ABLIM1: variants seen among roughly 807,000 people sequenced by gnomAD.
The protein encoded by ABLIM1 is actin-binding LIM protein 1.
In ABLIM1, 40 loss-of-function variants were observed where a neutral mutation model predicts 107.0. The ratio of observed to expected loss-of-function variants is 0.37; its 90% confidence interval spans 0.29 to 0.49. ABLIM1 has a LOEUF of 0.49. Among genes scored for constraint, ABLIM1 ranks in the 20% least tolerant of loss-of-function variants. The probability of loss-of-function intolerance (pLI) is 0.97; values close to 1 mark genes in which losing one functional copy is unlikely to be tolerated. For synonymous variants in ABLIM1, 357 were observed against 357.3 expected, an observed-to-expected ratio of 1.00 and a Z score of 0.01; for missense variants, 857 against 1,008.5, an observed-to-expected ratio of 0.85 and a Z score of 2.04.
intron 6 of ABLIM1, among the ~76,000 whole-genome samples, chr10:114,521,723 T>C (rs1179423570): frequency 6.6e-6 from 1 of 152,020 alleles, no homozygotes; most frequent in African/African-American, 2.4e-5. Context: ...CTTCTATCCA[T>C]CCACTCATCC....
chr10:114,602,886 C>G (rs760874783), intron 1 of ABLIM1, among the ~76,000 whole-genome samples: 15 of 152,066 alleles, frequency 9.9e-5, no homozygotes, highest in Non-Finnish European at 2.1e-4. Context: ...TTACAAAGGC[C>G]CAGAGAGAAG....
At chr10:114,729,054 C>G (rs1429653025) in intron 1 of ABLIM1, among the ~76,000 whole-genome samples, 1 of 152,006 alleles carries the variant, frequency 6.6e-6, no homozygotes, top group Non-Finnish European at 1.5e-5. Flanking sequence ...ATTTACTCTG[C>G]GTAGCCAAGT....
In ABLIM1 at chr10:114,431,677, G is replaced by A. The variant is rs965499759; in HGVS notation, c.*4583C>T. On this transcript the variant is annotated 3_prime_UTR_variant, in exon 23 of 23. Coordinates refer to ENST00000533213, the MANE Select transcript of ABLIM1 (RefSeq NM_002313.7). ...TTGTCTCTGTCCACCTTTGGTCAAT[G>A]GGTTCAGGAAGTGACTCATGGGAAC... 7 of 152,158 alleles carry A rather than the reference G, an allele frequency of 4.6e-5. No homozygotes were observed. The highest frequency in any genetic ancestry group is 1.7e-4 in the African/African-American group (7 of 41,434). The allele number at this position is 152,158 out of a possible 1,614,324, so 9.4% of individuals were successfully genotyped here. A position where few individuals can be genotyped will look rare whatever the true frequency, so the allele number is the denominator to read the frequency against.
upstream of ABLIM1, among the ~76,000 whole-genome samples, chr10:114,769,431 G>T (rs1350967797): frequency 1.1e-4 from 2 of 17,738 alleles, no homozygotes; most frequent in African/African-American, 4.2e-4. Flanking sequence ...AGGAAAGAAA[G>T]AAAGAAAGAA....
the ABLIM1 span, among the ~76,000 whole-genome samples, chr10:114,794,130 C>G: frequency 6.6e-6 from 1 of 152,212 alleles, no homozygotes. Context: ...TCTGGACCTA[C>G]TAGGTTTGGT....
the ABLIM1 span, among the ~76,000 whole-genome samples, chr10:114,774,027 A>T: frequency 6.6e-6 from 1 of 151,912 alleles, no homozygotes; most frequent in Non-Finnish European, 1.5e-5. Flanking sequence ...CTTTGAAAAG[A>T]ATTAACAAAA....
chr10:114,531,354 C>A (rs2065431724), intron 6 of ABLIM1, among the ~76,000 whole-genome samples: 1 of 152,174 alleles, frequency 6.6e-6, no homozygotes, highest in Admixed American at 6.6e-5. Flanking sequence ...TATCATTGCC[C>A]ACATCGTAAT....
intron 1 of ABLIM1, among the ~76,000 whole-genome samples, chr10:114,666,296 T>C (rs1200333302): frequency 6.6e-6 from 1 of 152,190 alleles, no homozygotes; most frequent in African/African-American, 2.4e-5. Flanking sequence ...TTTAAAAGTG[T>C]AGATAATGGT....
intron 2 of ABLIM1, among the ~76,000 whole-genome samples, chr10:114,594,604 T>C (rs201375297): frequency 6.6e-6 from 1 of 151,988 alleles, no homozygotes; most frequent in African/African-American, 2.4e-5. Flanking sequence ...ACAAAAATTA[T>C]CTGGGCATGG....
intron 1 of ABLIM1, among the ~76,000 whole-genome samples, chr10:114,608,758 T>C (rs1265732362): frequency 6.6e-6 from 1 of 152,150 alleles, no homozygotes; most frequent in Admixed American, 6.5e-5. Context: ...CTCACACCTG[T>C]AATCTCAGCA....
intron 1 of ABLIM1, among the ~76,000 whole-genome samples, chr10:114,698,404 A>G (rs1351933682): frequency 6.7e-6 from 1 of 150,098 alleles, no homozygotes; most frequent in East Asian, 1.9e-4. Flanking sequence ...GGAGATTAAA[A>G]ATGTAAAAAA....
chr10:114,632,286 G>A (rs1158909739), intron 1 of ABLIM1: 1 of 985,414 alleles, frequency 1.0e-6, no homozygotes, highest in Non-Finnish European at 1.2e-6. Context: ...CACCGAGGAC[G>A]GGCTATGAAA....
At chr10:114,568,876 G>A (rs1368659150) in intron 4 of ABLIM1, among the ~76,000 whole-genome samples, 1 of 151,996 alleles carries the variant, frequency 6.6e-6, no homozygotes, top group East Asian at 1.9e-4. Context: ...ATTTACATGT[G>A]CATAACATGT....
chr10:114,556,288 TCTG>T (rs2068718357), intron 4 of ABLIM1, among the ~76,000 whole-genome samples: 1 of 152,218 alleles, frequency 6.6e-6, no homozygotes, highest in South Asian at 2.1e-4. Flanking sequence ...TGGATCAGAT[TCTG>T]CTAACAAGCT....
At chr10:114,770,140 T>C (rs1419582416), upstream of ABLIM1, among the ~76,000 whole-genome samples, 1 of 152,226 alleles carries the variant, frequency 6.6e-6, no homozygotes, top group Non-Finnish European at 1.5e-5. Flanking sequence ...TAGTTCATGT[T>C]CTACTATGAG....
chr10:114,631,325 G>A (rs2078159917), intron 1 of ABLIM1, among the ~76,000 whole-genome samples: 1 of 152,194 alleles, frequency 6.6e-6, no homozygotes, highest in Admixed American at 6.5e-5. Context: ...GTGATATGAT[G>A]TGGTTTCCTT....
intron 6 of ABLIM1, among the ~76,000 whole-genome samples, chr10:114,537,256 C>A (rs1314643786): frequency 6.6e-6 from 1 of 152,014 alleles, no homozygotes; most frequent in African/African-American, 2.4e-5. Flanking sequence ...CTTATTTTTT[C>A]TTTTATTGAT....
At chr10:114,509,798 C>T (rs1590683800) in intron 6 of ABLIM1, among the ~76,000 whole-genome samples, 1 of 152,280 alleles carries the variant, frequency 6.6e-6, no homozygotes, top group East Asian at 1.9e-4. Context: ...TCCGTTCTCA[C>T]ACTGCCAATA....
At chr10:114,601,299 T>C (rs1178905855) in intron 2 of ABLIM1, among the ~76,000 whole-genome samples, 1 of 151,602 alleles carries the variant, frequency 6.6e-6, no homozygotes, top group Non-Finnish European at 1.5e-5. Flanking sequence ...AGTCTCACTC[T>C]TGTTGCTCAG....
Sources: allele counts gnomAD v4.1 joint callset (sites outside exome capture counted in the v4.1 genomes callset), GRCh38; gene constraint gnomAD v4.1.1; transcripts MANE v1.5; gene names NCBI Gene and HGNC (gene_info 2026-07-23, HGNC 2026-07-21).